The following MYRFL variants were observed in gnomAD, a reference collection of about 807,000 sequenced individuals.
MYRFL encodes myelin regulatory factor like.
A neutral mutation model predicts 109.4 loss-of-function variants in MYRFL; 88 were observed. That is an observed-to-expected ratio of 0.80 (90% CI 0.68 to 0.96). The LOEUF (loss-of-function observed/expected upper bound fraction) is 0.96. Ranked by LOEUF, MYRFL falls within the 40% of genes least tolerant of loss-of-function variation. The pLI, the probability that MYRFL is intolerant of heterozygous loss-of-function variation, is 0.00. For synonymous variants in MYRFL, 324 were observed against 320.9 expected (o/e 1.01, Z -0.10); for missense variants, 957 against 954.9 (o/e 1.00, Z -0.03).
rs774212271 is a variant in MYRFL at position 69,936,311 on chromosome 12, C to G, written c.2020C>G (p.Leu674Val). ...SNITSSQEPA[L>V]LPTASSSAPN... is the part of the protein sequence containing the mutation. Reference sequence around the variant, plus strand: ...TATCACAAGCTCACAGGAGCCAGCTCTGCTGCCCACAGCCTCCTCCTCAGG... The same window carrying G: ...TATCACAAGCTCACAGGAGCCAGCTGTGCTGCCCACAGCCTCCTCCTCAGG... The change falls in exon 18 of 25, where the codon CTG becomes GTG. Residue 674 changes from leucine (L) to valine (V), a missense_variant. Coordinates refer to ENST00000552032, the MANE Select transcript of MYRFL (RefSeq NM_182530.3). The G allele has an allele frequency of 4.6e-6, 7 of 1,536,294 alleles. No individual in the cohort carries two copies. In the Admixed American group the frequency reaches 7.8e-5, roughly 17 times the overall value.
In MYRFL at chr12:69,909,567, C is replaced by G. The variant is rs146225516; in HGVS notation, c.1384-402C>G. The stretch of plus-strand genomic sequence containing the variant: ...TAAAGATATTAAAAAAAAAATTCTG[C>G]TATTACTATCATTTACAAAATCTCT... On this transcript the variant is annotated intron_variant, in intron 11 of 24. Coordinates refer to ENST00000552032, the MANE Select transcript of MYRFL (RefSeq NM_182530.3). Among the ~76,000 whole-genome samples, 964 of 152,264 alleles carry G rather than the reference C, an allele frequency of 6.3e-3. 19 individuals carry two copies. Among genetic ancestry groups the G allele is most frequent in the African/African-American group, 0.022 (904 of 41,546 alleles).
Position 69,926,700 on chromosome 12 carries a change from T to C in MYRFL, c.1732T>C (p.Trp578Arg), listed in dbSNP as rs1463316657. 5.3e-6 allele frequency: 8 copies of C among 1,511,816 alleles called. No homozygotes were observed. The highest frequency in any genetic ancestry group is 7.1e-6 in the Non-Finnish European group (8 of 1,133,538). 93.7% of individuals were successfully genotyped at this position (1,511,816 alleles called of 1,614,324 possible). The change falls in exon 14 of 25, where the codon TGG becomes CGG. Residue 578 changes from tryptophan (W) to arginine (R), a missense_variant. Transcript: ENST00000552032. ...GGCCCGGCTAAAGCGGCTCAGTAGT[T>C]GGAAGTCATCAGCCAGTGAAGCAAG... ...KLARLKRLSS[W>R]KSSASEASTI...
At chr12:69,883,576 G>A (rs78721670) in intron 5 of MYRFL, among the ~76,000 whole-genome samples, 7,305 of 152,100 alleles carry the variant, frequency 0.048, 184 homozygotes, top group Middle Eastern at 0.11. Flanking sequence ...AAAAGAGGCC[G>A]GTGAGGCCAG....
intron 7 of MYRFL, among the ~76,000 whole-genome samples, chr12:69,891,599 T>TTC (rs1886826518): frequency 1.5e-5 from 2 of 135,860 alleles, no homozygotes; most frequent in Non-Finnish European, 3.1e-5. Flanking sequence ...CTTTCTTTCT[T>TTC]TCTTTCTCTT....
chr12:69,849,529 A>T (rs1055509642), intron 1 of MYRFL, among the ~76,000 whole-genome samples: 1 of 152,150 alleles, frequency 6.6e-6, no homozygotes, highest in African/African-American at 2.4e-5. Context: ...GGATACTTTT[A>T]TTCTTTCTCT....
At chr12:69,894,502 T>C (rs1887103777) in intron 8 of MYRFL, among the ~76,000 whole-genome samples, 1 of 152,244 alleles carries the variant, frequency 6.6e-6, no homozygotes, top group South Asian at 2.1e-4. Context: ...TGGCTAGATC[T>C]TTCTTTTAAT....
chr12:69,843,294 AAAGC>A (rs1223623379), intron 1 of MYRFL, among the ~76,000 whole-genome samples: 1 of 152,230 alleles, frequency 6.6e-6, no homozygotes, highest in Non-Finnish European at 1.5e-5. Context: ...TTAAATCCAG[AAAGC>A]AACCCTTTGG....
intron 14 of MYRFL, among the ~76,000 whole-genome samples, chr12:69,926,967 T>C (rs1955114801): frequency 7.8e-6 from 1 of 128,384 alleles, no homozygotes; most frequent in African/African-American, 2.9e-5. Flanking sequence ...TTTTTGAGCC[T>C]GAGTTTTGCT....
chr12:69,895,538 G>A (rs998718539), intron 9 of MYRFL, 57 bp downstream of exon 9: 1 of 1,460,928 alleles, frequency 6.8e-7, no homozygotes, highest in South Asian at 1.2e-5. Flanking sequence ...TGGCCAGGAA[G>A]TGCCCTCCTG....
At chr12:69,863,329 C>T (rs993864504) in intron 2 of MYRFL, among the ~76,000 whole-genome samples, 6 of 152,134 alleles carry the variant, frequency 3.9e-5, no homozygotes, top group African/African-American at 9.7e-5. Flanking sequence ...GGAATGGTAC[C>T]GGTTCCTCCT....
intron 1 of MYRFL, 75 bp downstream of exon 1, chr12:69,825,638 T>G (rs1039198651): frequency 3.4e-5 from 23 of 679,604 alleles, no homozygotes; most frequent in Non-Finnish European, 5.6e-5. Flanking sequence ...CTTTTCCGTA[T>G]TCACTTAAAC....
At chr12:69,858,533 T>C (rs1366826609) in intron 2 of MYRFL, among the ~76,000 whole-genome samples, 1 of 152,142 alleles carries the variant, frequency 6.6e-6, no homozygotes, top group East Asian at 1.9e-4. Context: ...GATTCAGGGC[T>C]ATTTATGGTA....
At chr12:69,955,978 T>TAA (rs1279239569) in intron 22 of MYRFL, among the ~76,000 whole-genome samples, 1 of 151,970 alleles carries the variant, frequency 6.6e-6, no homozygotes, top group Non-Finnish European at 1.5e-5. Flanking sequence ...ATCTGTAATA[T>TAA]AAGTATTACA....
chr12:69,870,409 T>C (rs1338401734), intron 2 of MYRFL, among the ~76,000 whole-genome samples: 1 of 152,096 alleles, frequency 6.6e-6, no homozygotes, highest in Non-Finnish European at 1.5e-5. Context: ...GTATGACCCA[T>C]AGTGTCTGTT....
At chr12:69,891,635 CTTTT>C (rs61590415) in intron 7 of MYRFL, among the ~76,000 whole-genome samples, 528 of 12,400 alleles carry the variant, frequency 0.043, 19 homozygotes, top group Middle Eastern at 0.13. Context: ...TCCTTCCTTT[CTTTT>C]TCTTTCTTTC....
chr12:69,850,152 G>T (rs1883796808), intron 1 of MYRFL, among the ~76,000 whole-genome samples: 1 of 152,270 alleles, frequency 6.6e-6, no homozygotes, highest in East Asian at 1.9e-4. Flanking sequence ...CATGTGAAAT[G>T]TGCCTTTCAC....
chr12:69,891,561 A>ATTTCTTTTTCTTTC (rs1886806809), intron 7 of MYRFL, among the ~76,000 whole-genome samples: 1 of 113,998 alleles, frequency 8.8e-6, no homozygotes, highest in Non-Finnish European at 1.9e-5. Flanking sequence ...AAAGGTGTCA[A>ATTTCTTTTTCTTTC]TTTCTTTCTT....
At chr12:69,940,456 T>A (rs1423745134) in intron 19 of MYRFL, among the ~76,000 whole-genome samples, 5 of 149,174 alleles carry the variant, frequency 3.4e-5, no homozygotes, top group African/African-American at 1.2e-4. Context: ...CAAACTAAGC[T>A]TCATAAGTGA....
At chr12:69,929,920 A>T (rs1248293952) in intron 15 of MYRFL, among the ~76,000 whole-genome samples, 2 of 152,270 alleles carry the variant, frequency 1.3e-5, no homozygotes, top group Non-Finnish European at 2.9e-5. Flanking sequence ...AGAAGGGTGC[A>T]TGGCACATAG....
Sources: gnomAD v4.1 joint callset for allele counts (sites outside exome capture counted in the v4.1 genomes callset) on GRCh38, gnomAD v4.1.1 for gene constraint, MANE v1.5 for transcripts, NCBI Gene and HGNC (gene_info 2026-07-23, HGNC 2026-07-21) for gene names.